The following C3orf52 variants were observed in gnomAD, a reference collection of about 807,000 sequenced individuals.
C3orf52 encodes the protein TPA-induced transmembrane protein.
Under a neutral mutation model 24.8 loss-of-function variants are expected in C3orf52, and 22 were observed. The ratio of observed to expected loss-of-function variants is 0.89; its 90% CI spans 0.63 to 1.27. The LOEUF is 1.27. Among genes scored for constraint, C3orf52 ranks in the 50% most tolerant of loss-of-function variants. The pLI is 0.00. For missense variants in C3orf52, 265 were observed against 260.7 expected (o/e 1.02, Z -0.11); for synonymous variants, 93 against 100.2 (o/e 0.93, Z 0.43).
chr3:112,128,010 C>T (rs952511650), intron 4 of C3orf52: 3 of 1,612,474 alleles, frequency 1.9e-6, no homozygotes, highest in Non-Finnish European at 2.5e-6. Flanking sequence ...AACAACTGTC[C>T]ACTCACCATG....
intron 1 of C3orf52, among the ~76,000 whole-genome samples, chr3:112,092,386 A>G (rs955669768): frequency 2.0e-5 from 3 of 152,300 alleles, no homozygotes; most frequent in Non-Finnish European, 2.9e-5. Context: ...GTTGTTTCCC[A>G]TGGTCTCCAT....
chr3:112,102,129 C>T (rs77502241), intron 2 of C3orf52, among the ~76,000 whole-genome samples: 7,289 of 151,990 alleles, frequency 0.048, 333 homozygotes, highest in African/African-American at 0.12. Context: ...GTGATGACTT[C>T]ATGCTCATCC....
intron 4 of C3orf52, chr3:112,125,123 T>G (rs1559983238): frequency 1.4e-5 from 11 of 785,902 alleles, no homozygotes; most frequent in Non-Finnish European, 2.3e-5. Context: ...TCTTTCTCCA[T>G]GTAAGGGTCA....
downstream of C3orf52, among the ~76,000 whole-genome samples, chr3:112,119,048 A>C (rs1029325028): frequency 1.3e-5 from 2 of 152,240 alleles, no homozygotes; most frequent in South Asian, 4.1e-4. Flanking sequence ...GGATCAGTAC[A>C]GATGAAACAG....
chr3:112,135,129 CA>C (rs1317483319), downstream of C3orf52: 1 of 154,592 alleles, frequency 6.5e-6, no homozygotes, highest in African/African-American at 2.4e-5. Context: ...TCTCAACAGA[CA>C]AAAGGTTAAA....
chr3:112,132,096 T>G (rs1374987292), downstream of C3orf52, among the ~76,000 whole-genome samples: 3 of 152,090 alleles, frequency 2.0e-5, no homozygotes, highest in Admixed American at 6.5e-5. Flanking sequence ...ATAAAAATAG[T>G]AATTTATATA....
downstream of C3orf52, chr3:112,122,503 G>C (rs1321203718): frequency 6.6e-6 from 1 of 152,130 alleles, no homozygotes; most frequent in East Asian, 1.9e-4. Flanking sequence ...GACACATAGA[G>C]GAGTGCTTAT....
At chr3:112,113,862 T>C (rs2074109620) in intron 5 of C3orf52, among the ~76,000 whole-genome samples, 1 of 152,198 alleles carries the variant, frequency 6.6e-6, no homozygotes, top group African/African-American at 2.4e-5. Context: ...ATCCTTCCAT[T>C]GCTTTGTAGT....
In C3orf52 at chr3:112,113,022, A is replaced by T. The variant is rs1263009011; in HGVS notation, c.526A>T (p.Asn176Tyr). The T allele has an allele frequency of 1.6e-5, 26 of 1,608,724 alleles. No homozygotes were observed. Among genetic ancestry groups the T allele is most frequent in the Non-Finnish European group, 2.1e-5 (25 of 1,177,490 alleles). Residue 176 changes from asparagine to tyrosine, a missense_variant, in exon 5 of 6, where the codon AAT (asparagine) becomes TAT (tyrosine). Transcript: ENST00000264848. ...ATTTGGGGTTCCATCAGATGATGAA[A>T]ATTTTATGAAGTATATGATGAGTGA... ...LQFGVPSDDE[N>Y]FMKYMMSEEL...
intron 3 of C3orf52, among the ~76,000 whole-genome samples, chr3:112,108,588 T>C (rs2074049486): frequency 6.6e-6 from 1 of 152,234 alleles, no homozygotes; most frequent in Non-Finnish European, 1.5e-5. Flanking sequence ...GTGATCATCA[T>C]CAGAGGAATG....
intron 4 of C3orf52, 87 bp from the exon 5 acceptor site, chr3:112,112,877 A>G: frequency 4.0e-6 from 1 of 249,914 alleles, no homozygotes. Flanking sequence ...ATGCAAAACT[A>G]AAAAAAAAAA....
intron 2 of C3orf52, among the ~76,000 whole-genome samples, chr3:112,094,808 T>G (rs1431901714): frequency 2.0e-5 from 3 of 151,742 alleles, no homozygotes; most frequent in Non-Finnish European, 4.4e-5. Flanking sequence ...TATGTGGGGG[T>G]GATGGTAGAG....
At chr3:112,131,601 A>G (rs898933062), downstream of C3orf52, among the ~76,000 whole-genome samples, 3 of 152,210 alleles carry the variant, frequency 2.0e-5, no homozygotes, top group Non-Finnish European at 4.4e-5. Context: ...AGCTGGGACT[A>G]CAGGTGCATG....
intron 4 of C3orf52, chr3:112,123,775 G>C: frequency 1.9e-6 from 3 of 1,603,636 alleles, no homozygotes; most frequent in Non-Finnish European, 2.6e-6. Flanking sequence ...ACATTGTCCT[G>C]CTTGTCAAAG....
chr3:112,090,033 C>T (rs2107773359), intron 1 of C3orf52, among the ~76,000 whole-genome samples: 1 of 152,300 alleles, frequency 6.6e-6, no homozygotes, highest in East Asian at 1.9e-4. Flanking sequence ...TCCTCACGAT[C>T]TAGAATTTGG....
intron 4 of C3orf52, among the ~76,000 whole-genome samples, chr3:112,126,261 G>T (rs1043511746): frequency 2.0e-5 from 3 of 152,198 alleles, no homozygotes; most frequent in Non-Finnish European, 4.4e-5. Flanking sequence ...TAGATTTTAA[G>T]ATTCTATGTA....
At chr3:112,126,252 A>G (rs2074314882) in intron 4 of C3orf52, among the ~76,000 whole-genome samples, 2 of 152,216 alleles carry the variant, frequency 1.3e-5, no homozygotes, top group Admixed American at 6.5e-5. Context: ...TTGCAGGGCT[A>G]GATTTTAAGA....
rs765929909 is a variant in C3orf52 at position 112,113,061 on chromosome 3, G to A, written c.565G>A (p.Gly189Ser). 20 of 1,610,302 alleles carry A rather than the reference G, an allele frequency of 1.2e-5. No individual in the cohort carries two copies. Among genetic ancestry groups the A allele is most frequent in the Non-Finnish European group, 1.5e-5 (18 of 1,178,402 alleles). The part of the protein sequence containing the change: ...KYMMSEELVL[G>S]ILLQDFRDQN... ...TATGATGAGTGAGGAGTTGGTGCTG[G>A]GCATTTTGCTACAGGATTTCCGTGA... The change falls in exon 5 of 6, where the codon GGC (glycine) becomes AGC (serine). Residue 189 changes from glycine (G) to serine (S), a missense_variant. Coordinates refer to ENST00000264848, the MANE Select transcript of C3orf52 (RefSeq NM_024616.3).
downstream of C3orf52, among the ~76,000 whole-genome samples, chr3:112,132,236 G>T (rs1384088250): frequency 6.6e-6 from 1 of 152,088 alleles, no homozygotes; most frequent in Non-Finnish European, 1.5e-5. Flanking sequence ...CCTCTTTTCG[G>T]CAAGTGGTCA....
Sources: gnomAD v4.1 joint callset for allele counts (sites outside exome capture counted in the v4.1 genomes callset) on GRCh38, gnomAD v4.1.1 for gene constraint, MANE v1.5 for transcripts, NCBI Gene and HGNC (gene_info 2026-07-23, HGNC 2026-07-21) for gene names.